Variants in LRGUK observed in about 807,000 individuals in gnomAD.
LRGUK encodes leucine-rich repeat and guanylate kinase domain-containing protein.
A neutral mutation model predicts 76.0 loss-of-function variants in LRGUK; 65 were observed. The observed-to-expected ratio is 0.85, with a 90% CI of 0.70 to 1.05. LRGUK has a LOEUF of 1.05. Among genes scored for constraint, LRGUK ranks in the 50% least tolerant of loss-of-function variants. The pLI is 0.00. For synonymous variants in LRGUK, 268 were observed against 265.6 expected, an observed-to-expected ratio of 1.01 and a Z score of -0.09; for missense variants, 758 against 732.8, an observed-to-expected ratio of 1.03 and a Z score of -0.40.
At chr7:134,194,373 A>G (rs1800394450) in intron 12 of LRGUK, among the ~76,000 whole-genome samples, 1 of 152,216 alleles carries the variant, frequency 6.6e-6, no homozygotes, top group Admixed American at 6.5e-5. Context: ...GAATTCAAGT[A>G]TACATTTTGA....
chr7:134,141,725 A>G (rs1270937699), intron 3 of LRGUK: 1 of 152,212 alleles, frequency 6.6e-6, no homozygotes. Flanking sequence ...AGTTGAGACC[A>G]CTGCTGACAG....
exon 16 of LRGUK, chr7:134,208,759 A>G: frequency 2.5e-6 from 1 of 399,038 alleles, no homozygotes; most frequent in Non-Finnish European, 4.4e-6. Context: ...ACCTGGTTCC[A>G]TCTCCCAGGT....
rs528777040 is a variant in LRGUK, at chr7:134,172,167, A to G, written c.940-2389A>G. ...CATGTCAATCATTGTAAATATCACT[A>G]TCTTCTAAAATGAGCATGTAGTGTT... On this transcript the variant is annotated intron_variant, in intron 7 of 15. Coordinates refer to ENST00000645682, the Ensembl canonical transcript of LRGUK. Among the ~76,000 whole-genome samples, 10 of 152,332 alleles carry G rather than the reference A, an allele frequency of 6.6e-5. No individual in the cohort carries two copies. In the South Asian group the frequency reaches 8.3e-4, roughly 13 times the overall value.
At chr7:134,234,639 C>T (rs540519611) in intron 16 of LRGUK, among the ~76,000 whole-genome samples, 25 of 152,192 alleles carry the variant, frequency 1.6e-4, no homozygotes, top group Middle Eastern at 3.4e-3. Context: ...TTAATTAAAT[C>T]TTTGTTTTCC....
chr7:134,208,792 T>C (rs922353814), exon 16 of LRGUK: 1 of 399,062 alleles, frequency 2.5e-6, no homozygotes, highest in Non-Finnish European at 4.4e-6. Flanking sequence ...TGCAAGCAGA[T>C]GGCCAGATGA....
chr7:134,211,340 C>T (rs550164282), downstream of LRGUK, among the ~76,000 whole-genome samples: 1 of 152,308 alleles, frequency 6.6e-6, no homozygotes, highest in East Asian at 1.9e-4. Context: ...GGCCATATTG[C>T]CATTAAGTTT....
At chr7:134,206,193 C>T (rs1585554354) in intron 15 of LRGUK, among the ~76,000 whole-genome samples, 1 of 152,164 alleles carries the variant, frequency 6.6e-6, no homozygotes, top group Non-Finnish European at 1.5e-5. Flanking sequence ...TGATTATAAA[C>T]CCTGAAATCT....
intron 6 of LRGUK, among the ~76,000 whole-genome samples, chr7:134,163,122 CT>C (rs1416728753): frequency 6.6e-6 from 1 of 152,136 alleles, no homozygotes; most frequent in African/African-American, 2.4e-5. Flanking sequence ...TATTACCTGC[CT>C]TTTTCTTTCT....
chr7:134,161,973 C>T (rs991190406), intron 6 of LRGUK, among the ~76,000 whole-genome samples: 1 of 151,640 alleles, frequency 6.6e-6, no homozygotes, highest in Non-Finnish European at 1.5e-5. Flanking sequence ...ATTACAGGCC[C>T]GGCCAAGAAT....
chr7:134,163,072 T>C (rs145915730), intron 6 of LRGUK, among the ~76,000 whole-genome samples: 1 of 152,252 alleles, frequency 6.6e-6, no homozygotes, highest in African/African-American at 2.4e-5. Context: ...TCTGGAGTTA[T>C]GCTGTCATTA....
intron 7 of LRGUK, among the ~76,000 whole-genome samples, chr7:134,171,650 T>C (rs1361316225): frequency 6.6e-6 from 1 of 151,942 alleles, no homozygotes; most frequent in African/African-American, 2.4e-5. Flanking sequence ...GGTGAGAGAA[T>C]GCGCTGGACT....
At chr7:134,135,333 C>T (rs1435712804) in intron 1 of LRGUK, among the ~76,000 whole-genome samples, 5 of 152,138 alleles carry the variant, frequency 3.3e-5, no homozygotes, top group Non-Finnish European at 7.4e-5. Context: ...AAAAGTCATT[C>T]TTCCTTGTTT....
chr7:134,218,257 G>A (rs754703905), intron 15 of LRGUK, among the ~76,000 whole-genome samples: 2 of 152,084 alleles, frequency 1.3e-5, no homozygotes, highest in Non-Finnish European at 2.9e-5. Context: ...TTTGAGTGGG[G>A]AAAAAATAAG....
Position 134,236,752 on chromosome 7 carries a change from T to C in LRGUK, c.1984-10804T>C, listed in dbSNP as rs550052011. ...CTCTGAAAAGTAAAAACAAGCTTAT[T>C]TTCTGAACAGTTTATCAGGTACTGT... On this transcript the variant is annotated intron_variant, in intron 16 of 19. Coordinates refer to the LRGUK transcript ENST00000285928. 2.0e-5 allele frequency among the ~76,000 whole-genome samples: 3 copies of C among 152,338 alleles called. No homozygotes were observed. The East Asian group carries it at 5.8e-4, about 29-fold the overall frequency.
At chr7:134,219,554 A>T (rs897524472) in intron 15 of LRGUK, among the ~76,000 whole-genome samples, 2 of 152,194 alleles carry the variant, frequency 1.3e-5, no homozygotes, top group African/African-American at 4.8e-5. Context: ...TTGTTTCTTT[A>T]AATTTTATCT....
At chr7:134,141,542 T>C (rs1670849091) in intron 3 of LRGUK, 1 of 152,286 alleles carries the variant, frequency 6.6e-6, no homozygotes, top group South Asian at 2.1e-4. Context: ...CAAGGACTTT[T>C]TTCTGTCTTG....
chr7:134,135,443 G>A (rs968812387), intron 1 of LRGUK, among the ~76,000 whole-genome samples: 4 of 152,168 alleles, frequency 2.6e-5, no homozygotes, highest in Non-Finnish European at 5.9e-5. Context: ...GCCTTTCCCT[G>A]TGTTTGCTGT....
chr7:134,142,005 C>G (rs1407734257), intron 3 of LRGUK, among the ~76,000 whole-genome samples: 5 of 152,200 alleles, frequency 3.3e-5, no homozygotes, highest in African/African-American at 9.6e-5. Context: ...CCTTACATAG[C>G]ATGTCCTACC....
At chr7:134,236,716 C>T (rs941220093) in intron 16 of LRGUK, among the ~76,000 whole-genome samples, 2 of 152,200 alleles carry the variant, frequency 1.3e-5, no homozygotes, top group African/African-American at 4.8e-5. Flanking sequence ...TAGGGCCATA[C>T]AGATATCCAG....
Sources: gnomAD v4.1 joint callset for allele counts (sites outside exome capture counted in the v4.1 genomes callset) on GRCh38, gnomAD v4.1.1 for gene constraint, MANE v1.5 for transcripts, NCBI Gene and HGNC (gene_info 2026-07-23, HGNC 2026-07-21) for gene names.